Variants in SLC49A3 observed in about 807,000 individuals in gnomAD.
The protein encoded by SLC49A3 is solute carrier family 49 member 3.
SLC49A3 carries 50 observed loss-of-function variants against 43.8 expected under a neutral mutation model. The observed-to-expected ratio is 1.14, with a 90% CI of 0.91 to 1.45. The LOEUF (loss-of-function observed/expected upper bound fraction) is 1.45, where lower values mean the gene tolerates loss of function less well. Ranked by LOEUF, SLC49A3 falls within the 40% of genes most tolerant of loss-of-function variation. The probability of loss-of-function intolerance (pLI) is 0.00; values close to 1 mark genes in which losing one functional copy is unlikely to be tolerated. For synonymous variants in SLC49A3, 413 were observed against 352.0 expected (o/e 1.17, Z -1.94); for missense variants, 906 against 774.1 (o/e 1.17, Z -2.02).
Position 685,795 on chromosome 4 carries a change from C to T in SLC49A3, c.585+40G>A. On this transcript the variant is annotated intron_variant, in intron 4 of 9. Transcript: ENST00000322224. This position sits in a 1 kb window ranked among gnomAD's most constrained non-coding sequence, Gnocchi z 4.3. ...GAACACACAGACGTGCATGCGCACA[C>T]ACCACACAGACCAGGCACGGGCGTC... is the stretch of plus-strand genomic sequence containing the variant. The T allele has an allele frequency of 6.2e-7, 1 of 1,605,902 alleles. No homozygotes were observed. Among genetic ancestry groups the T allele is most frequent in the Non-Finnish European group, 8.5e-7 (1 of 1,172,826 alleles).
rs10716 is a variant in SLC49A3 at position 682,005 on chromosome 4, G to A, written c.1633C>T (p.Pro545Ser). The A allele has an allele frequency of 2.1e-6, 3 of 1,423,356 alleles. No homozygotes were observed. The highest frequency in any genetic ancestry group is 3.0e-5 in the African/African-American group (2 of 67,604). The allele number at this position is 1,423,356 out of a possible 1,614,324, so 88.2% of individuals were successfully genotyped here. ...GAGAAGGAGGAGTGAGACCCAGCCG[G>A]GTCAATAAACCTGGACGCTTGGACC... ...GRVQASRFID[P>S]AGSHSSFSSP... The change falls in exon 10 of 10, where the codon CCG (proline) becomes TCG (serine). Residue 545 changes from proline to serine, a missense_variant. By Grantham distance (74) the Pro-to-Ser change is moderately conservative. Transcript: ENST00000322224.
rs201865762 is a variant in SLC49A3 at position 681,940 on chromosome 4, G to A, written c.*18C>T. The A allele has an allele frequency of 2.2e-6, 3 of 1,334,778 alleles. No individual in the cohort carries two copies. The highest frequency in any genetic ancestry group is 1.5e-5 in the African/African-American group (1 of 66,480). 82.7% of individuals were successfully genotyped at this position (1,334,778 alleles called of 1,614,324 possible). On this transcript the variant is annotated 3_prime_UTR_variant, in exon 10 of 10. Transcript: ENST00000322224. ...CCTCCATCGATGTGGCGGGCAACCT[G>A]GACTACAAGGCGCTCAGCTACGTGA...
At position 685,084 on chromosome 4, in the gene SLC49A3, C is replaced by G. The variant is rs1000068123; in HGVS notation, c.586-228G>C. On this transcript the variant is annotated intron_variant, in intron 4 of 9. Coordinates refer to ENST00000322224, the MANE Select transcript of SLC49A3 (RefSeq NM_032219.4). This position sits in a 1 kb window ranked among gnomAD's most constrained non-coding sequence, Gnocchi z 4.3. ...ACGCATCCCTCACCAGTGACACCCTCCTGGCTGATGTTAGCCCAGCACCCC... is the reference window on the plus strand; with the variant it reads ...ACGCATCCCTCACCAGTGACACCCTGCTGGCTGATGTTAGCCCAGCACCCC... 10 of 575,946 alleles carry G rather than the reference C, an allele frequency of 1.7e-5. No individual in the cohort carries two copies. The East Asian group carries it at 2.4e-4, about 14-fold the overall frequency. The allele number at this position is 575,946 out of a possible 1,614,324, so 35.7% of individuals were successfully genotyped here.
chr4:678,535 C>G (rs546458755), downstream of SLC49A3: 26 of 1,464,064 alleles, frequency 1.8e-5, no homozygotes, highest in Admixed American at 5.1e-4. Context: ...AGCTGTCTGG[C>G]CCCCTCCAGC....
chr4:683,600 G>T lies in SLC49A3; in HGVS notation c.993+9C>A. On this transcript the variant is annotated intron_variant, in intron 7 of 9. Coordinates refer to ENST00000322224, the MANE Select transcript of SLC49A3 (RefSeq NM_032219.4). Reference sequence around the variant, plus strand: ...CCACAGGGCAGTCTTGGCTTGAGGAGACCCTCACCAGGGCAAAGGGCACGC... The same window carrying T: ...CCACAGGGCAGTCTTGGCTTGAGGATACCCTCACCAGGGCAAAGGGCACGC... 1 of 1,606,074 alleles carries T rather than the reference G, an allele frequency of 6.2e-7. No individual in the cohort carries two copies. The highest frequency in any genetic ancestry group is 1.1e-5 in the South Asian group (1 of 89,986).
chr4:681,214 A>C, downstream of SLC49A3: 1 of 1,529,686 alleles, frequency 6.5e-7, no homozygotes, highest in Non-Finnish European at 8.9e-7. Context: ...GTGGAGGGGG[A>C]CGCGGAGCCC....
chr4:685,647 A>G lies in SLC49A3; in HGVS notation c.585+188T>C, dbSNP rs1021505828. Among the ~76,000 whole-genome samples the G allele has an allele frequency of 2.0e-5, 3 of 152,066 alleles. No individual in the cohort carries two copies. The highest frequency in any genetic ancestry group is 7.2e-5 in the African/African-American group (3 of 41,384). ...CTTAAACCCAGTAGGCGGAGGTTGC[A>G]GTGAGCCGAGATCGCGCCACTGCAA... On this transcript the variant is annotated intron_variant, in intron 4 of 9. Coordinates refer to ENST00000322224, the MANE Select transcript of SLC49A3 (RefSeq NM_032219.4). The surrounding 1 kb of genome is among the most constrained non-coding windows in gnomAD (Gnocchi z 4.3).
rs759736080 is a variant in SLC49A3, at chr4:685,810, G to T, written c.585+25C>A. The T allele has an allele frequency of 6.2e-7, 1 of 1,612,224 alleles. No homozygotes were observed. Among genetic ancestry groups the T allele is most frequent in the South Asian group, 1.1e-5 (1 of 91,026 alleles). On this transcript the variant is annotated intron_variant, in intron 4 of 9. Transcript: ENST00000322224. The surrounding 1 kb of genome is among the most constrained non-coding windows in gnomAD (Gnocchi z 4.3). ...CATGCGCACACACCACACAGACCAG[G>T]CACGGGCGTCTCATGACCCCTCACC...
chr4:679,157 G>A (rs979586871), downstream of SLC49A3: 17 of 670,520 alleles, frequency 2.5e-5, no homozygotes, highest in South Asian at 6.2e-5. Context: ...GCCCACCAAC[G>A]GCCCTGAAGC....
At chr4:688,483 G>A (rs1330710972) in intron 1 of SLC49A3, among the ~76,000 whole-genome samples, 5 of 152,220 alleles carry the variant, frequency 3.3e-5, no homozygotes, top group African/African-American at 9.6e-5. Flanking sequence ...TGAGGCTCCG[G>A]GGGATGGCTG....
Position 682,185 on chromosome 4 carries a change from TG to T in SLC49A3, c.1452del (p.Ser485AlafsTer14). The T allele has an allele frequency of 7.3e-7, 1 of 1,361,320 alleles. No individual in the cohort carries two copies. The highest frequency in any genetic ancestry group is 3.1e-5 in the Admixed American group (1 of 31,828). The allele number at this position is 1,361,320 out of a possible 1,614,324, so 84.3% of individuals were successfully genotyped here. On this transcript the variant is annotated frameshift_variant, in exon 10 of 10. Coordinates refer to ENST00000322224, the MANE Select transcript of SLC49A3 (RefSeq NM_032219.4). LOFTEE classifies it low-confidence loss of function (END_TRUNC). ...GGAGRAGVLG[P>X]STATPECTAR... ...GCCGTGCACTCCGGAGTCGCCGTGCTGGGCCCCAGGACCCCAGCCCTTCCTG... is the reference window on the plus strand; with the variant it reads ...GCCGTGCACTCCGGAGTCGCCGTGCTGGCCCCAGGACCCCAGCCCTTCCTG...
rs1179294541 is a variant in SLC49A3, at chr4:684,860, GGGAGGGGTGTGTGTGCACAA to G, written c.586-24_586-5del. ...CAGGGATGGTATAGACACCGAGCTG[GGGAGGGGTGTGTGTGCACAA>G]GGAGACCACGCAGACTGGCACCCAC... is the stretch of plus-strand genomic sequence containing the variant. On this transcript the variant is annotated splice_polypyrimidine_tract_variant and splice_region_variant and intron_variant, in intron 4 of 9. Transcript: ENST00000322224. The G allele has an allele frequency of 6.2e-7, 1 of 1,610,928 alleles. No individual in the cohort carries two copies. The highest frequency in any genetic ancestry group is 1.3e-5 in the African/African-American group (1 of 74,968).
At position 686,120 on chromosome 4, in the gene SLC49A3, C is replaced by T; in HGVS notation, c.477G>A (p.Gln159=). The T allele has an allele frequency of 6.2e-7, 1 of 1,613,144 alleles. No individual in the cohort carries two copies. The highest frequency in any genetic ancestry group is 8.5e-7 in the Non-Finnish European group (1 of 1,179,952). ...KLAALWFPEH[Q]RATANMLATM... is the part of the protein sequence containing the mutation. ...TGGCGAGCATGTTGGCCGTGGCTCG[C>T]TGGTGCTCTGGGAACCACAAGGCAG... The change falls in exon 3 of 10, where the codon CAG becomes CAA. Residue 159 remains glutamine, a synonymous_variant. Coordinates refer to ENST00000322224, the MANE Select transcript of SLC49A3 (RefSeq NM_032219.4).
chr4:687,687 CCCTT>C (rs1162292532), intron 1 of SLC49A3, among the ~76,000 whole-genome samples: 1 of 152,222 alleles, frequency 6.6e-6, no homozygotes, highest in Non-Finnish European at 1.5e-5. Context: ...CTGTCTGACT[CCCTT>C]CCTCATCTCC....
At chr4:684,128 C>T (rs1229158887) in intron 6 of SLC49A3, among the ~76,000 whole-genome samples, 1 of 152,214 alleles carries the variant, frequency 6.6e-6, no homozygotes, top group Non-Finnish European at 1.5e-5. Flanking sequence ...AAGGCCCTCC[C>T]CGCTGCACGT....
chr4:680,961 C>A, downstream of SLC49A3: 1 of 1,052,768 alleles, frequency 9.5e-7, no homozygotes, highest in Non-Finnish European at 1.4e-6. Context: ...TGCCCCAGGG[C>A]CACACTCCAG....
Position 689,083 on chromosome 4 carries a change from C to T in SLC49A3, c.45G>A (p.Arg15=). Reference sequence around the variant, plus strand: ...GGTGGCCCCGCTGCGCGCACAGGGCCCGGGGCTCGGCCAACCCCGTCTCGG... The same window carrying T: ...GGTGGCCCCGCTGCGCGCACAGGGCTCGGGGCTCGGCCAACCCCGTCTCGG... ...TEAETGLAEP[R]ALCAQRGHRT... is the part of the protein sequence containing the mutation. Residue 15 remains arginine (R), a synonymous_variant, in exon 1 of 10, where the codon CGG becomes CGA. Coordinates refer to ENST00000322224, the MANE Select transcript of SLC49A3 (RefSeq NM_032219.4). 1 of 1,545,414 alleles carries T rather than the reference C, an allele frequency of 6.5e-7. No individual in the cohort carries two copies. The highest frequency in any genetic ancestry group is 8.7e-7 in the Non-Finnish European group (1 of 1,153,356).
At chr4:686,892 G>T (rs1451738973) in intron 1 of SLC49A3, among the ~76,000 whole-genome samples, 2 of 152,230 alleles carry the variant, frequency 1.3e-5, no homozygotes, top group Non-Finnish European at 2.9e-5. Context: ...GGGTCAGAGA[G>T]CATGCCCTGA....
In SLC49A3 at chr4:686,542, A is replaced by G. The variant is rs772859922; in HGVS notation, c.284T>C (p.Leu95Pro). 6 of 1,612,410 alleles carry G rather than the reference A, an allele frequency of 3.7e-6. No individual in the cohort carries two copies. The African/African-American group carries it at 4.0e-5, about 11-fold the overall frequency. Residue 95 changes from leucine (L) to proline (P), a missense_variant, in exon 2 of 10, where the codon CTC becomes CCC. Coordinates refer to ENST00000322224, the MANE Select transcript of SLC49A3 (RefSeq NM_032219.4). ...AAIWILDSVG[L>P]RAATILGAWL... is the part of the protein sequence containing the mutation. ...TGGGGTCTGACTCACCGCCGCACGG[A>G]GCCCGACGGAGTCCAGGATCCAGAT...
Sources: allele counts gnomAD v4.1 joint callset (sites outside exome capture counted in the v4.1 genomes callset), GRCh38; gene constraint gnomAD v4.1.1; non-coding constraint Gnocchi (gnomAD v3.1); transcripts MANE v1.5; gene names NCBI Gene and HGNC (gene_info 2026-07-23, HGNC 2026-07-21).